Variants in CTTNBP2 observed in about 807,000 individuals in gnomAD.
The protein encoded by CTTNBP2 is cortactin binding protein 2, also known as cortactin-binding protein 2.
Under a neutral mutation model 156.9 loss-of-function variants are expected in CTTNBP2, and 108 were observed. The observed-to-expected ratio is 0.69, with a 90% CI of 0.59 to 0.81. The LOEUF is 0.81. Among genes scored for constraint, CTTNBP2 ranks in the 30% least tolerant of loss-of-function variants. The probability of loss-of-function intolerance (pLI) is 0.00; values close to 1 mark genes in which losing one functional copy is unlikely to be tolerated. For missense variants in CTTNBP2, 1,924 were observed against 2,035.4 expected (o/e 0.95, Z 1.05); for synonymous variants, 767 against 751.8 (o/e 1.02, Z -0.33).
chr7:117,860,867 T>C (rs1347550434), intron 2 of CTTNBP2, among the ~76,000 whole-genome samples: 2 of 152,206 alleles, frequency 1.3e-5, no homozygotes, highest in Non-Finnish European at 2.9e-5. Context: ...TGCCCTCACA[T>C]ACATGTAGGA....
chr7:117,719,456 C>T lies in CTTNBP2; in HGVS notation c.4644+48G>A, dbSNP rs1002925671. 6 of 1,533,964 alleles carry T rather than the reference C, an allele frequency of 3.9e-6. No homozygotes were observed. The African/African-American group carries it at 5.5e-5, about 14-fold the overall frequency. ...GGAATTGTGGTCCCCCAAAAGTCTC[C>T]CAGCTGTTGAGTAGAGCCATTCAAT... On this transcript the variant is annotated intron_variant, in intron 21 of 22. Coordinates refer to ENST00000160373, the MANE Select transcript of CTTNBP2 (RefSeq NM_033427.3).
chr7:117,724,334 T>C (rs34041317), intron 19 of CTTNBP2, among the ~76,000 whole-genome samples: 235 of 152,342 alleles, frequency 1.5e-3, no homozygotes, highest in Middle Eastern at 6.8e-3. Context: ...TTTGGAATTC[T>C]GGTTTGAAAG....
intron 1 of CTTNBP2, among the ~76,000 whole-genome samples, chr7:117,872,812 A>T (rs1382140723): frequency 6.6e-6 from 1 of 152,064 alleles, no homozygotes; most frequent in Non-Finnish European, 1.5e-5. Context: ...GGCCTCCCGA[A>T]GGCACAGGAC....
At chr7:117,868,907 C>T (rs927729949) in intron 1 of CTTNBP2, among the ~76,000 whole-genome samples, 3 of 152,182 alleles carry the variant, frequency 2.0e-5, no homozygotes, top group Admixed American at 1.3e-4. Flanking sequence ...AAAGCCTTGC[C>T]TAAACTCCTT....
intron 14 of CTTNBP2, among the ~76,000 whole-genome samples, chr7:117,743,644 C>A (rs1367225446): frequency 6.6e-6 from 1 of 151,140 alleles, no homozygotes; most frequent in Non-Finnish European, 1.5e-5. Context: ...CGCCTGTAGC[C>A]CCAGCTACTC....
At position 117,735,029 on chromosome 7, in the gene CTTNBP2, G is replaced by C; in HGVS notation, c.3760C>G (p.Leu1254Val). Residue 1254 changes from leucine (L) to valine (V), a missense_variant, in exon 16 of 23, where the codon CTC becomes GTC. By Grantham distance (32) the Leu-to-Val change is conservative. Coordinates refer to ENST00000160373, the MANE Select transcript of CTTNBP2 (RefSeq NM_033427.3). ...FLMGTIAKAC[L>V]QGSDLLVQQH... is the part of the protein sequence containing the mutation. ...TGCACCAGCAAGTCGGAGCCCTGGA[G>C]ACAGGCCTTGGCGATGGTTCCCATC... 1 of 1,614,230 alleles carries C rather than the reference G, an allele frequency of 6.2e-7. No homozygotes were observed. The highest frequency in any genetic ancestry group is 1.7e-5 in the Admixed American group (1 of 60,036).
intron 22 of CTTNBP2, among the ~76,000 whole-genome samples, chr7:117,716,303 G>T (rs1027013330): frequency 6.6e-6 from 1 of 151,754 alleles, no homozygotes; most frequent in Non-Finnish European, 1.5e-5. Context: ...ATAGGGGTAT[G>T]ACAATGTTTG....
intron 2 of CTTNBP2, among the ~76,000 whole-genome samples, chr7:117,855,268 A>G (rs1803220173): frequency 6.6e-6 from 1 of 150,824 alleles, no homozygotes; most frequent in Non-Finnish European, 1.5e-5. Flanking sequence ...GCCTGCCACC[A>G]TGCCTGGCTA....
chr7:117,781,714 G>A (rs1798446540), intron 6 of CTTNBP2, among the ~76,000 whole-genome samples: 1 of 152,244 alleles, frequency 6.6e-6, no homozygotes, highest in Non-Finnish European at 1.5e-5. Flanking sequence ...CTCCAGCCTG[G>A]CGACAGAGCA....
intron 2 of CTTNBP2, among the ~76,000 whole-genome samples, chr7:117,813,455 T>A (rs1306615728): frequency 6.6e-6 from 1 of 152,124 alleles, no homozygotes; most frequent in Non-Finnish European, 1.5e-5. Context: ...CATACTCTCA[T>A]TAGCATTTGG....
intron 2 of CTTNBP2, among the ~76,000 whole-genome samples, chr7:117,823,844 C>A (rs962477329): frequency 6.6e-6 from 1 of 152,114 alleles, no homozygotes; most frequent in Non-Finnish European, 1.5e-5. Context: ...GCACACAGCA[C>A]CACTACTGGC....
At chr7:117,808,054 A>G (rs1314693163) in intron 3 of CTTNBP2, among the ~76,000 whole-genome samples, 2 of 152,122 alleles carry the variant, frequency 1.3e-5, no homozygotes, top group African/African-American at 4.8e-5. Context: ...TAATACACAC[A>G]GTTATTTTTA....
chr7:117,751,647 G>GAAGAGGTAT (rs1796624860), intron 12 of CTTNBP2, among the ~76,000 whole-genome samples: 2 of 152,172 alleles, frequency 1.3e-5, no homozygotes, highest in African/African-American at 4.8e-5. Context: ...CCCTTTTAAA[G>GAAGAGGTAT]AAGAGGTATA....
intron 1 of CTTNBP2, among the ~76,000 whole-genome samples, chr7:117,867,430 C>G (rs1804276430): frequency 6.6e-6 from 1 of 152,110 alleles, no homozygotes. Flanking sequence ...TGTGCATTTC[C>G]TCATAGTAAA....
intron 8 of CTTNBP2, among the ~76,000 whole-genome samples, chr7:117,767,871 T>A (rs554266402): frequency 2.6e-5 from 4 of 152,200 alleles, no homozygotes; most frequent in African/African-American, 9.6e-5. Flanking sequence ...AAATGCAAAG[T>A]AAGAGACAAT....
At chr7:117,859,905 T>C (rs1039638945) in intron 2 of CTTNBP2, among the ~76,000 whole-genome samples, 1 of 152,228 alleles carries the variant, frequency 6.6e-6, no homozygotes, top group Non-Finnish European at 1.5e-5. Flanking sequence ...TGAAAATACA[T>C]TGAAGACATG....
chr7:117,746,347 C>T (rs1008506382), intron 12 of CTTNBP2, among the ~76,000 whole-genome samples: 16 of 152,146 alleles, frequency 1.1e-4, no homozygotes, highest in Admixed American at 7.9e-4. Context: ...TTTTCCATAG[C>T]GAGGGTCTGC....
chr7:117,833,736 G>A (rs909559230), intron 2 of CTTNBP2, among the ~76,000 whole-genome samples: 1 of 152,186 alleles, frequency 6.6e-6, no homozygotes, highest in Non-Finnish European at 1.5e-5. Flanking sequence ...CTACAAGAAA[G>A]AGACCAAGCC....
At chr7:117,758,113 G>A (rs927631999) in intron 10 of CTTNBP2, 143 bp from the exon 11 acceptor site, 15 of 604,542 alleles carry the variant, frequency 2.5e-5, no homozygotes, top group African/African-American at 2.4e-4. Context: ...CACATATAGG[G>A]CCACACAAGG....
Sources: gnomAD v4.1 joint callset for allele counts (sites outside exome capture counted in the v4.1 genomes callset) on GRCh38, gnomAD v4.1.1 for gene constraint, MANE v1.5 for transcripts, NCBI Gene and HGNC (gene_info 2026-07-23, HGNC 2026-07-21) for gene names.